The following FAM184B variants were observed in gnomAD, a reference collection of about 807,000 sequenced individuals.
FAM184B encodes protein FAM184B.
A neutral mutation model predicts 135.9 loss-of-function variants in FAM184B; 111 were observed. That is an observed-to-expected ratio of 0.82 (90% confidence interval 0.70 to 0.96). The LOEUF is 0.96. Among genes scored for constraint, FAM184B ranks in the 40% least tolerant of loss-of-function variants. The pLI is 0.00. For synonymous variants in FAM184B, 552 were observed against 524.8 expected, an observed-to-expected ratio of 1.05 and a Z score of -0.71; for missense variants, 1,375 against 1,323.9, an observed-to-expected ratio of 1.04 and a Z score of -0.60.
At chr4:17,685,968 C>G (rs962095976) in intron 7 of FAM184B, among the ~76,000 whole-genome samples, 4 of 152,192 alleles carry the variant, frequency 2.6e-5, no homozygotes, top group African/African-American at 4.8e-5. Context: ...ACAGCCTGCT[C>G]TACAATCTTC....
intron 6 of FAM184B, among the ~76,000 whole-genome samples, chr4:17,690,598 G>T (rs1485319868): frequency 6.6e-6 from 1 of 152,128 alleles, no homozygotes; most frequent in Non-Finnish European, 1.5e-5. Context: ...CAAGGCTATC[G>T]GAAAGTCCTT....
At chr4:17,770,913 C>T (rs1309522859) in intron 1 of FAM184B, among the ~76,000 whole-genome samples, 1 of 152,338 alleles carries the variant, frequency 6.6e-6, no homozygotes, top group East Asian at 1.9e-4. Context: ...AGTTGCGGAA[C>T]CATCACCACA....
intron 5 of FAM184B, among the ~76,000 whole-genome samples, chr4:17,701,533 C>T (rs546052662): frequency 2.6e-4 from 39 of 152,318 alleles, no homozygotes; most frequent in Non-Finnish European, 5.0e-4. Flanking sequence ...TTTGAGAACC[C>T]TCCATCTGAT....
intron 1 of FAM184B, among the ~76,000 whole-genome samples, chr4:17,729,994 G>A (rs1717737342): frequency 6.6e-6 from 1 of 152,026 alleles, no homozygotes; most frequent in Non-Finnish European, 1.5e-5. Flanking sequence ...TCAAACAAAT[G>A]GCAAAGAAGT....
intron 16 of FAM184B, among the ~76,000 whole-genome samples, chr4:17,634,768 G>C (rs1419311353): frequency 6.6e-6 from 1 of 152,112 alleles, no homozygotes; most frequent in Non-Finnish European, 1.5e-5. Flanking sequence ...CCATCACCTA[G>C]ATAGAGCTAT....
In FAM184B at chr4:17,781,065, T is replaced by G; in HGVS notation, c.141+94A>C. The G allele has an allele frequency of 1.4e-6, 2 of 1,392,872 alleles. No individual in the cohort carries two copies. Among genetic ancestry groups the G allele is most frequent in the Non-Finnish European group, 1.9e-6 (2 of 1,060,758 alleles). The allele number at this position is 1,392,872 out of a possible 1,614,324, so 86.3% of individuals were successfully genotyped here. A position where few individuals can be genotyped will look rare whatever the true frequency, so the allele number is the denominator to read the frequency against. The stretch of plus-strand genomic sequence containing the variant: ...CTCCGAGACAAAGTTTCTGTCTGGA[T>G]TTGGCCCGGGCCTCCCGGGAGGCGC... On this transcript the variant is annotated intron_variant, in intron 1 of 17. Coordinates refer to ENST00000265018, the MANE Select transcript of FAM184B (RefSeq NM_015688.2). This position sits in a 1 kb window ranked among gnomAD's most constrained non-coding sequence, Gnocchi z 6.5.
chr4:17,641,439 A>T (rs1049242637), intron 13 of FAM184B, among the ~76,000 whole-genome samples: 1 of 139,584 alleles, frequency 7.2e-6, no homozygotes, highest in Non-Finnish European at 1.5e-5. Flanking sequence ...CCTGATTTGC[A>T]GGGAAACAAA....
chr4:17,651,560 AAAAG>A (rs1371661941), intron 11 of FAM184B, among the ~76,000 whole-genome samples: 1 of 151,056 alleles, frequency 6.6e-6, no homozygotes, highest in East Asian at 1.9e-4. Flanking sequence ...AAAAAAAAAA[AAAAG>A]AAGAAAAGAA....
In FAM184B at chr4:17,732,179, T is replaced by C. The variant is rs535888405; in HGVS notation, c.142-22535A>G. ...CATACCAGAATCTCTGGGACACATT[T>C]AAAGCAGTGTGTAGAAGGAAATTTA... On this transcript the variant is annotated intron_variant, in intron 1 of 17. Coordinates refer to ENST00000265018, the MANE Select transcript of FAM184B (RefSeq NM_015688.2). Among the ~76,000 whole-genome samples, 1,343 of 152,222 alleles carry C rather than the reference T, an allele frequency of 8.8e-3. 17 individuals are homozygous for C. The highest frequency in any genetic ancestry group is 0.03 in the African/African-American group (1,235 of 41,528).
intron 1 of FAM184B, among the ~76,000 whole-genome samples, chr4:17,769,419 T>C (rs547946298): frequency 6.6e-5 from 10 of 152,330 alleles, no homozygotes; most frequent in African/African-American, 2.4e-4. Context: ...GTGTGTTTTC[T>C]GTCTGTGATT....
intron 12 of FAM184B, among the ~76,000 whole-genome samples, chr4:17,646,784 T>G (rs1444851269): frequency 6.6e-6 from 1 of 152,030 alleles, no homozygotes; most frequent in African/African-American, 2.4e-5. Flanking sequence ...TAGCTGAAGC[T>G]GTACGTTATG....
intron 15 of FAM184B, 115 bp downstream of exon 15, chr4:17,636,413 C>A (rs937395053): frequency 6.1e-6 from 5 of 826,128 alleles, no homozygotes; most frequent in African/African-American, 3.4e-5. Context: ...AGAAAGGATT[C>A]TTTGTAAGAT....
chr4:17,655,599 C>T (rs1157974778), intron 10 of FAM184B, among the ~76,000 whole-genome samples: 1 of 152,206 alleles, frequency 6.6e-6, no homozygotes, highest in South Asian at 2.1e-4. Flanking sequence ...CCCAGTGCTT[C>T]CAAATACCTT....
intron 1 of FAM184B, among the ~76,000 whole-genome samples, chr4:17,768,569 C>T (rs888344916): frequency 6.6e-6 from 1 of 152,184 alleles, no homozygotes; most frequent in Non-Finnish European, 1.5e-5. Flanking sequence ...GCCACCATGC[C>T]AGCCTTCTGA....
Position 17,660,078 on chromosome 4 carries a change from C to T in FAM184B, c.1704G>A (p.Val568=). ...GTGGGTCACTTCCCTCCTTGAGAAG[C>T]ACTTTGGTCCTTTGAAGATAAGGAT... The part of the protein sequence containing the change: ...TSSDEEERTK[V]LLKEGSDPQP... Residue 568 remains valine (V), a synonymous_variant, in exon 9 of 18, where the codon GTG becomes GTA. Transcript: ENST00000265018. 1.3e-6 allele frequency: 2 copies of T among 1,551,484 alleles called. No homozygotes were observed. The highest frequency in any genetic ancestry group is 8.7e-7 in the Non-Finnish European group (1 of 1,146,936).
At chr4:17,674,450 C>A (rs1477678807) in intron 7 of FAM184B, among the ~76,000 whole-genome samples, 3 of 152,108 alleles carry the variant, frequency 2.0e-5, no homozygotes, top group African/African-American at 7.2e-5. Context: ...GTATTGTAAT[C>A]TTTTTGCTGT....
At chr4:17,769,504 C>T (rs566240993) in intron 1 of FAM184B, among the ~76,000 whole-genome samples, 4 of 152,202 alleles carry the variant, frequency 2.6e-5, no homozygotes, top group East Asian at 1.9e-4. Flanking sequence ...GGAGGCACCA[C>T]GTCTGAATAG....
intron 12 of FAM184B, among the ~76,000 whole-genome samples, chr4:17,644,862 A>G (rs1220916419): frequency 2.6e-5 from 4 of 152,184 alleles, no homozygotes; most frequent in Non-Finnish European, 5.9e-5. Context: ...AACCTCCTTA[A>G]GCTGATAAGC....
chr4:17,769,248 A>T (rs548788300), intron 1 of FAM184B, among the ~76,000 whole-genome samples: 14 of 152,232 alleles, frequency 9.2e-5, no homozygotes, highest in African/African-American at 3.1e-4. Flanking sequence ...GTTACATATA[A>T]TATAACTATT....
Sources: allele counts gnomAD v4.1 joint callset (sites outside exome capture counted in the v4.1 genomes callset), GRCh38; gene constraint gnomAD v4.1.1; non-coding constraint Gnocchi (gnomAD v3.1); transcripts MANE v1.5; gene names NCBI Gene and HGNC (gene_info 2026-07-23, HGNC 2026-07-21).